The following MBNL1 variants were observed in gnomAD, a reference collection of about 807,000 sequenced individuals.
The protein encoded by MBNL1 is muscleblind-like protein 1.
In MBNL1, 8 loss-of-function variants were observed where a neutral mutation model predicts 42.2. That is an observed-to-expected ratio of 0.19 (90% CI 0.11 to 0.34). The LOEUF (loss-of-function observed/expected upper bound fraction) is 0.34, where lower values mean the gene tolerates loss of function less well. MBNL1 is among the 10% of genes least tolerant of loss of function. The pLI is 1.00. For missense variants in MBNL1, 309 were observed against 495.3 expected (o/e 0.62, Z 3.57); for synonymous variants, 169 against 173.9 (o/e 0.97, Z 0.22).
At position 152,447,641 on chromosome 3, in the gene MBNL1, C is replaced by A; in HGVS notation, c.829C>A (p.Pro277Thr). 1 of 1,613,396 alleles carries A rather than the reference C, an allele frequency of 6.2e-7. No homozygotes were observed. Among genetic ancestry groups the A allele is most frequent in the Non-Finnish European group, 8.5e-7 (1 of 1,179,534 alleles). The change falls in exon 6 of 10, where the codon CCC becomes ACC. Residue 277 changes from proline to threonine, a missense_variant. Transcript: ENST00000324210. ...AAMGIPQAVL[P>T]PLPKRPALEK... ...ACAGGGAATTCCTCAAGCTGTACTT[C>A]CCCCATTACCAAAGAGGCCTGCTCT... is the stretch of plus-strand genomic sequence containing the variant.
chr3:152,293,930 C>A (rs1291008769), intron 1 of MBNL1, among the ~76,000 whole-genome samples: 1 of 151,848 alleles, frequency 6.6e-6, no homozygotes, highest in East Asian at 1.9e-4. Flanking sequence ...AGGTATGTGA[C>A]TCTTAAATAG....
chr3:152,415,701 C>T (rs1335933449), intron 3 of MBNL1, among the ~76,000 whole-genome samples: 3 of 152,008 alleles, frequency 2.0e-5, no homozygotes, highest in Non-Finnish European at 2.9e-5. Flanking sequence ...TAGGCTGAAA[C>T]TCTGAGGGCT....
intron 1 of MBNL1, among the ~76,000 whole-genome samples, chr3:152,289,586 T>G (rs2054646049): frequency 6.6e-6 from 1 of 152,066 alleles, no homozygotes; most frequent in Non-Finnish European, 1.5e-5. Flanking sequence ...TTTGTTATTT[T>G]TTTGAAAAAA....
intron 2 of MBNL1, among the ~76,000 whole-genome samples, chr3:152,354,574 A>G (rs1008529728): frequency 5.3e-5 from 8 of 152,102 alleles, no homozygotes; most frequent in Admixed American, 3.3e-4. Context: ...ATAATAAAGC[A>G]ATTTGCTTTA....
chr3:152,267,337 G>A (rs2037472357), upstream of MBNL1: 1 of 152,434 alleles, frequency 6.6e-6, no homozygotes, highest in Non-Finnish European at 1.5e-5. Flanking sequence ...GCCATCCTCA[G>A]AGCCCTCATT....
intron 2 of MBNL1, among the ~76,000 whole-genome samples, chr3:152,392,855 T>C (rs2097777209): frequency 6.6e-6 from 1 of 152,252 alleles, no homozygotes; most frequent in African/African-American, 2.4e-5. Context: ...AAAATATTCC[T>C]GAGAAGTATT....
intron 1 of MBNL1, among the ~76,000 whole-genome samples, chr3:152,294,579 C>T (rs1042056625): frequency 2.2e-4 from 34 of 152,128 alleles, no homozygotes; most frequent in African/African-American, 7.2e-4. Context: ...CCACCGTGCC[C>T]GGCCTTAAGT....
At chr3:152,282,700 T>A (rs2049194828) in intron 1 of MBNL1, among the ~76,000 whole-genome samples, 1 of 152,116 alleles carries the variant, frequency 6.6e-6, no homozygotes, top group Non-Finnish European at 1.5e-5. Flanking sequence ...TAAATATTTA[T>A]TTTACAGCAT....
chr3:152,393,313 G>C (rs556219582), intron 2 of MBNL1, among the ~76,000 whole-genome samples: 2 of 152,360 alleles, frequency 1.3e-5, no homozygotes. Flanking sequence ...AAATTAGCTT[G>C]CAGCTACAGT....
At chr3:152,394,015 ATT>A (rs539530291) in intron 2 of MBNL1, among the ~76,000 whole-genome samples, 264 of 152,306 alleles carry the variant, frequency 1.7e-3, no homozygotes, top group Middle Eastern at 3.4e-3. Context: ...TTATAAATCT[ATT>A]TTTATCACTG....
chr3:152,443,485 T>TACACACACAC (rs150370083), intron 4 of MBNL1, among the ~76,000 whole-genome samples: 2,378 of 144,952 alleles, frequency 0.016, 41 homozygotes, highest in African/African-American at 0.025. Flanking sequence ...ATATTTAGCA[T>TACACACACAC]ACACACACAC....
intron 2 of MBNL1, among the ~76,000 whole-genome samples, chr3:152,322,010 A>T (rs561803344): frequency 6.6e-6 from 1 of 152,164 alleles, no homozygotes; most frequent in South Asian, 2.1e-4. Flanking sequence ...ATACTGTTTT[A>T]AAAGCCAGGT....
At chr3:152,373,022 G>A (rs1255111899) in intron 2 of MBNL1, among the ~76,000 whole-genome samples, 1 of 152,212 alleles carries the variant, frequency 6.6e-6, no homozygotes, top group Non-Finnish European at 1.5e-5. Flanking sequence ...TAGAGAGGCA[G>A]TCTGGCTATG....
chr3:152,268,447 G>T, upstream of MBNL1: 2 of 293,502 alleles, frequency 6.8e-6, no homozygotes, highest in South Asian at 5.4e-5. Flanking sequence ...AGTCTAATTG[G>T]CTTCTAACCT....
At position 152,464,615 on chromosome 3, in the gene MBNL1, A is replaced by G. The variant is rs1749436982; in HGVS notation, c.*2249A>G. ...ATTTCAAATGTTAAAATATTGTTTA[A>G]TATTTTTGAAATCCCTGAGTATCAG... On this transcript the variant is annotated 3_prime_UTR_variant, in exon 10 of 10. Coordinates refer to ENST00000324210, the MANE Select transcript of MBNL1 (RefSeq NM_021038.5). The G allele has an allele frequency of 6.6e-6, 1 of 152,614 alleles. No individual in the cohort carries two copies. Among genetic ancestry groups the G allele is most frequent in the African/African-American group, 2.4e-5 (1 of 41,452 alleles). 9.5% of individuals were successfully genotyped at this position (152,614 alleles called of 1,614,324 possible). A position where few individuals can be genotyped will look rare whatever the true frequency, so the allele number is the denominator to read the frequency against.
At chr3:152,310,865 A>G (rs1396401302) in intron 2 of MBNL1, among the ~76,000 whole-genome samples, 1 of 152,096 alleles carries the variant, frequency 6.6e-6, no homozygotes, top group Non-Finnish European at 1.5e-5. Flanking sequence ...ATTTCAAGAT[A>G]AAGCTTGGAA....
In MBNL1 at chr3:152,465,249, T is replaced by A. The variant is rs1348711081; in HGVS notation, c.*2883T>A. On this transcript the variant is annotated 3_prime_UTR_variant, in exon 10 of 10. Coordinates refer to ENST00000324210, the MANE Select transcript of MBNL1 (RefSeq NM_021038.5). ...ATACTAAGAACATATATTATTCAGA[T>A]CAGTTTCTGCCAATTTCAGTGGTTT... The A allele has an allele frequency of 6.6e-6, 1 of 152,206 alleles. No homozygotes were observed. Among genetic ancestry groups the A allele is most frequent in the Non-Finnish European group, 1.5e-5 (1 of 68,030 alleles). The allele number at this position is 152,206 out of a possible 1,614,324, so 9.4% of individuals were successfully genotyped here. A position where few individuals can be genotyped will look rare whatever the true frequency, so the allele number is the denominator to read the frequency against.
intron 8 of MBNL1, among the ~76,000 whole-genome samples, chr3:152,457,457 T>C (rs2153961866): frequency 6.6e-6 from 1 of 152,376 alleles, no homozygotes; most frequent in African/African-American, 2.4e-5. Context: ...ACCCTTGTTC[T>C]ATAATACATC....
At chr3:152,252,224 C>T (rs2034728871) in intron 2 of MBNL1, among the ~76,000 whole-genome samples, 1 of 146,412 alleles carries the variant, frequency 6.8e-6, no homozygotes, top group Non-Finnish European at 1.5e-5. Flanking sequence ...TCCTTCCTTC[C>T]TTCCTTCTTT....
Sources: allele counts gnomAD v4.1 joint callset (sites outside exome capture counted in the v4.1 genomes callset), GRCh38; gene constraint gnomAD v4.1.1; transcripts MANE v1.5; gene names NCBI Gene and HGNC (gene_info 2026-07-23, HGNC 2026-07-21).